Variants in SRRM2 observed in about 807,000 individuals in gnomAD.
The protein encoded by SRRM2 is serine/arginine repetitive matrix protein 2.
A neutral mutation model predicts 213.8 loss-of-function variants in SRRM2; 30 were observed. That is an observed-to-expected ratio of 0.14 (90% CI 0.10 to 0.19). SRRM2 has a LOEUF of 0.19. SRRM2 is among the 10% of genes least tolerant of loss of function. SRRM2 has a pLI of 1.00. For missense variants in SRRM2, 4,904 were observed against 3,647.0 expected, an observed-to-expected ratio of 1.34 and a Z score of -8.88; for synonymous variants, 2,025 against 1,377.7, an observed-to-expected ratio of 1.47 and a Z score of -10.40.
Position 2,767,966 on chromosome 16 carries a change from G to T in SRRM2, c.7438G>T (p.Val2480Leu), listed in dbSNP as rs765100681. 2.5e-6 allele frequency: 4 copies of T among 1,614,200 alleles called. No individual in the cohort carries two copies. In the South Asian group the frequency reaches 4.4e-5, roughly 18 times the overall value. ...GTCTCAGTCCCTTTCCTCTGGGGCA[G>T]TGGCAACGACCACGTCCTCTGCTGG... ...AGSQSLSSGA[V>L]ATTTSSAGDH... Residue 2480 changes from valine to leucine, a missense_variant, in exon 11 of 15, where the codon GTG becomes TTG. Transcript: ENST00000301740.
At chr16:2,757,355 A>G in intron 2 of SRRM2, 117 bp from the exon 3 acceptor site, 1 of 785,968 alleles carries the variant, frequency 1.3e-6, no homozygotes. Flanking sequence ...TGGGTGAGCG[A>G]AAAGTTCTGT....
rs1268920767 is a variant in SRRM2 at position 2,765,173 on chromosome 16, C to T, written c.4645C>T (p.Pro1549Ser). 6.2e-7 allele frequency: 1 copy of T among 1,614,166 alleles called. No homozygotes were observed. Among genetic ancestry groups the T allele is most frequent in the African/African-American group, 1.3e-5 (1 of 75,028 alleles). ...SGSSQELDVK[P>S]SASPQERSES... The stretch of plus-strand genomic sequence containing the variant: ...ATCCTCTCAAGAACTTGATGTGAAA[C>T]CCAGTGCATCCCCTCAGGAAAGAAG... The change falls in exon 11 of 15, where the codon CCC (proline) becomes TCC (serine). Residue 1549 changes from proline (P) to serine (S), a missense_variant. Transcript: ENST00000301740.
Position 2,760,424 on chromosome 16 carries a change from A to G in SRRM2, c.957A>G (p.Gln319=). ...PFSEPGTTST[Q]RPSSPETATK... ...GTGAACCAGGTACTACCAGCACACAACGGCCTAGTAGCCCGGAGACTGCTA... is the reference window on the plus strand; with the variant it reads ...GTGAACCAGGTACTACCAGCACACAGCGGCCTAGTAGCCCGGAGACTGCTA... Residue 319 remains glutamine, a synonymous_variant, in exon 10 of 15, where the codon CAA becomes CAG. Transcript: ENST00000301740. 6.2e-7 allele frequency: 1 copy of G among 1,614,172 alleles called. No individual in the cohort carries two copies.
chr16:2,760,617 C>G (rs934759292), intron 10 of SRRM2, 118 bp downstream of exon 10: 1 of 1,172,294 alleles, frequency 8.5e-7, no homozygotes, highest in African/African-American at 1.6e-5. Context: ...GTTTTTTTTC[C>G]TGCATTTCTC....
chr16:2,759,188 C>G lies in SRRM2; in HGVS notation c.689+16C>G, dbSNP rs371448888. On this transcript the variant is annotated intron_variant, in intron 7 of 14. Transcript: ENST00000301740. ...GTAAGCATAGGTAAGAGCTCTTTAA[C>G]TCATAGGGGGCGCAGTGGCATGTGG... 6.2e-7 allele frequency: 1 copy of G among 1,613,748 alleles called. No individual in the cohort carries two copies. The highest frequency in any genetic ancestry group is 1.3e-5 in the African/African-American group (1 of 74,840).
At chr16:2,753,526 A>G (rs2068020845) in intron 1 of SRRM2, 1 of 152,224 alleles carries the variant, frequency 6.6e-6, no homozygotes, top group Admixed American at 6.5e-5. Context: ...TTTGTAAGGT[A>G]GACCGTGCGT....
At position 2,765,771 on chromosome 16, in the gene SRRM2, C is replaced by G; in HGVS notation, c.5243C>G (p.Ala1748Gly). 1 of 1,614,144 alleles carries G rather than the reference C, an allele frequency of 6.2e-7. No homozygotes were observed. The highest frequency in any genetic ancestry group is 1.6e-4 in the Middle Eastern group (1 of 6,062). ...AGGTCTTCACGCCGACGGCGCTCAG[C>G]TTCATCTCCACGCACTAAGACAACC... ...KSRSSRRRRS[A>G]SSPRTKTTSR... The change falls in exon 11 of 15, where the codon GCT becomes GGT. Residue 1748 changes from alanine to glycine, a missense_variant. By Grantham distance (60) the Ala-to-Gly change is moderately conservative. Transcript: ENST00000301740.
In SRRM2 at chr16:2,770,916, A is replaced by C. The variant is rs1472175157; in HGVS notation, c.*49A>C. The C allele has an allele frequency of 5.6e-6, 9 of 1,612,024 alleles. No homozygotes were observed. The highest frequency in any genetic ancestry group is 7.6e-6 in the Non-Finnish European group (9 of 1,179,228). On this transcript the variant is annotated 3_prime_UTR_variant, in exon 15 of 15. Coordinates refer to ENST00000301740, the MANE Select transcript of SRRM2 (RefSeq NM_016333.4). ...CACCCAATGCTCTGGAGCCACAAGG[A>C]GTGTCCCTTCTTCCCCAGCAGAGCC...
rs376666502 is a variant in SRRM2 at position 2,765,969 on chromosome 16, G to A, written c.5441G>A (p.Arg1814Gln). 47 of 1,614,004 alleles carry A rather than the reference G, an allele frequency of 2.9e-5. No homozygotes were observed. Among genetic ancestry groups the A allele is most frequent in the Admixed American group, 5.0e-5 (3 of 60,000 alleles). The change falls in exon 11 of 15, where the codon CGG becomes CAG. Residue 1814 changes from arginine (R) to glutamine (Q), a missense_variant. Physicochemically the swap from Arg to Gln is conservative, Grantham distance 43. Coordinates refer to ENST00000301740, the MANE Select transcript of SRRM2 (RefSeq NM_016333.4). ...SRSRSRVTRR[R>Q]RGGSGYHSRS... ...TCAAGGTCGCGGGTTACTCGGCGGC[G>A]GAGGGGAGGCTCTGGTTATCACTCA...
In SRRM2 at chr16:2,762,712, A is replaced by G. The variant is rs2068401255; in HGVS notation, c.2184A>G (p.Ser728=). Residue 728 remains serine (S), a synonymous_variant, in exon 11 of 15, where the codon TCA becomes TCG. Coordinates refer to ENST00000301740, the MANE Select transcript of SRRM2 (RefSeq NM_016333.4). The part of the protein sequence containing the change: ...PQRRGRSGSS[S]ERKNKSRTSQ... The stretch of plus-strand genomic sequence containing the variant: ...GAAGAGGCAGATCTGGCTCATCTTC[A>G]GAGCGGAAAAACAAATCCAGAACAT... 6.2e-6 allele frequency: 10 copies of G among 1,614,114 alleles called. No individual in the cohort carries two copies. The highest frequency in any genetic ancestry group is 8.5e-6 in the Non-Finnish European group (10 of 1,180,052).
rs759976272 is a variant in SRRM2, at chr16:2,762,429, G to A, written c.1901G>A (p.Arg634Lys). Residue 634 changes from arginine (R) to lysine (K), a missense_variant, in exon 11 of 15, where the codon AGG (arginine) becomes AAG (lysine). Transcript: ENST00000301740. Reference sequence around the variant, plus strand: ...AGGACCCGATCACCAGTACGACGCAGGTCTCGTAGTAGATCACCAGCCAGG... The same window carrying A: ...AGGACCCGATCACCAGTACGACGCAAGTCTCGTAGTAGATCACCAGCCAGG... The part of the protein sequence containing the change: ...RSRTRSPVRR[R>K]SRSRSPARRS... 1.9e-6 allele frequency: 3 copies of A among 1,613,960 alleles called. No individual in the cohort carries two copies. Among genetic ancestry groups the A allele is most frequent in the Non-Finnish European group, 2.5e-6 (3 of 1,180,022 alleles).
chr16:2,770,872 T>A lies in SRRM2; in HGVS notation c.*5T>A, dbSNP rs749288174. ...TTCTCTTGCAGGTCTCCATAAATTG[T>A]CTTTGGGGGATTCCACCACACCCAA... On this transcript the variant is annotated 3_prime_UTR_variant, in exon 15 of 15. Coordinates refer to ENST00000301740, the MANE Select transcript of SRRM2 (RefSeq NM_016333.4). 2.5e-6 allele frequency: 4 copies of A among 1,613,928 alleles called. No homozygotes were observed. Among genetic ancestry groups the A allele is most frequent in the Non-Finnish European group, 3.4e-6 (4 of 1,179,990 alleles).
intron 11 of SRRM2, 174 bp downstream of exon 11, chr16:2,768,435 G>A: frequency 4.3e-6 from 3 of 702,810 alleles, no homozygotes; most frequent in Non-Finnish European, 7.2e-6. Context: ...GAGGGAGGAG[G>A]AATGGGACAG....
chr16:2,765,838 C>T lies in SRRM2; in HGVS notation c.5310C>T (p.Leu1770=), dbSNP rs760139790. 1 of 1,614,052 alleles carries T rather than the reference C, an allele frequency of 6.2e-7. No individual in the cohort carries two copies. Among genetic ancestry groups the T allele is most frequent in the South Asian group, 1.1e-5 (1 of 91,066 alleles). ...CTCCTTCGCCAAAGCCTCGTGGACT[C>T]CAGAGGTCCCGTTCCCGCTCAAGGA... The part of the protein sequence containing the change: ...GRSPSPKPRG[L]QRSRSRSRRE... Residue 1770 remains leucine (L), a synonymous_variant, in exon 11 of 15, where the codon CTC becomes CTT. Transcript: ENST00000301740.
chr16:2,756,612 G>A lies in SRRM2; in HGVS notation c.242+6G>A, dbSNP rs1254231646. The A allele has an allele frequency of 6.2e-7, 1 of 1,609,164 alleles. No individual in the cohort carries two copies. The highest frequency in any genetic ancestry group is 8.5e-7 in the Non-Finnish European group (1 of 1,177,396). Reference sequence around the variant, plus strand: ...GAGATGATGGAAGAGCAGGGGTGAGGGAGAGCTGGGGGAGAGTCAAGCACT... The same window carrying A: ...GAGATGATGGAAGAGCAGGGGTGAGAGAGAGCTGGGGGAGAGTCAAGCACT... On this transcript the variant is annotated splice_donor_region_variant and intron_variant, in intron 2 of 14. Coordinates refer to ENST00000301740, the MANE Select transcript of SRRM2 (RefSeq NM_016333.4).
At chr16:2,753,243 T>C (rs1019333620) in intron 1 of SRRM2, among the ~76,000 whole-genome samples, 1 of 152,202 alleles carries the variant, frequency 6.6e-6, no homozygotes, top group African/African-American at 2.4e-5. Context: ...TCCTGGACCC[T>C]TGCCCCCGGT....
chr16:2,757,736 C>G, intron 3 of SRRM2, 45 bp from the exon 4 acceptor site: 1 of 1,607,422 alleles, frequency 6.2e-7, no homozygotes, highest in African/African-American at 1.3e-5. Flanking sequence ...GAATATGGCT[C>G]TGTCCTTTAT....
intron 1 of SRRM2, among the ~76,000 whole-genome samples, chr16:2,754,995 A>ATTT (rs1333087625): frequency 6.6e-6 from 1 of 152,044 alleles, no homozygotes; most frequent in African/African-American, 2.4e-5. Context: ...TCATTCTGGA[A>ATTT]TTTTCTAAAT....
rs1457828299 is a variant in SRRM2 at position 2,765,616 on chromosome 16, G to T, written c.5088G>T (p.Glu1696Asp). The T allele has an allele frequency of 3.1e-6, 5 of 1,614,138 alleles. No individual in the cohort carries two copies. Among genetic ancestry groups the T allele is most frequent in the Non-Finnish European group, 4.2e-6 (5 of 1,180,020 alleles). The change falls in exon 11 of 15, where the codon GAG becomes GAT. Residue 1696 changes from glutamate to aspartate, a missense_variant. Coordinates refer to ENST00000301740, the MANE Select transcript of SRRM2 (RefSeq NM_016333.4). ...GTCGCAGCTCTCGATCATCTCCGGAGCTAACAAGGAAGGCCAGACTGTCCC... is the reference window on the plus strand; with the variant it reads ...GTCGCAGCTCTCGATCATCTCCGGATCTAACAAGGAAGGCCAGACTGTCCC... ...PRRRSSRSSP[E>D]LTRKARLSRR...
Sources: gnomAD v4.1 joint callset for allele counts (sites outside exome capture counted in the v4.1 genomes callset) on GRCh38, gnomAD v4.1.1 for gene constraint, MANE v1.5 for transcripts, NCBI Gene and HGNC (gene_info 2026-07-23, HGNC 2026-07-21) for gene names.